The following BABAM2 variants were observed in gnomAD, a reference collection of about 807,000 sequenced individuals.
The protein encoded by BABAM2 is BRISC and BRCA1 A complex member 2, also known as BRISC and BRCA1-A complex member 2.
In BABAM2, 31 loss-of-function variants were observed where a neutral mutation model predicts 54.7. The ratio of observed to expected loss-of-function variants is 0.57; its 90% CI spans 0.43 to 0.77. The LOEUF is 0.77. BABAM2 is among the 30% of genes least tolerant of loss of function. The probability of loss-of-function intolerance (pLI) is 0.00; values close to 1 mark genes in which losing one functional copy is unlikely to be tolerated. For missense variants in BABAM2, 364 were observed against 455.8 expected, an observed-to-expected ratio of 0.80 and a Z score of 1.83; for synonymous variants, 167 against 162.9, an observed-to-expected ratio of 1.03 and a Z score of -0.19.
At chr2:28,268,205 A>C (rs1368023353) in intron 10 of BABAM2, among the ~76,000 whole-genome samples, 2 of 152,232 alleles carry the variant, frequency 1.3e-5, no homozygotes, top group Non-Finnish European at 2.9e-5. Flanking sequence ...CCGCAGTGGC[A>C]CATGCCTATA....
intron 7 of BABAM2, among the ~76,000 whole-genome samples, chr2:28,167,795 C>A (rs529145566): frequency 9.2e-5 from 14 of 152,102 alleles, no homozygotes; most frequent in Non-Finnish European, 1.6e-4. Flanking sequence ...GATTTGGTTA[C>A]TCTATATATT....
chr2:28,013,468 C>T (rs1182916350), intron 4 of BABAM2: 15 of 443,624 alleles, frequency 3.4e-5, no homozygotes, highest in Non-Finnish European at 6.8e-5. Context: ...CCAGTCCTAT[C>T]ACAAACTTTT....
intron 11 of BABAM2, among the ~76,000 whole-genome samples, chr2:28,335,023 G>A (rs1312782029): frequency 6.6e-6 from 1 of 152,158 alleles, no homozygotes; most frequent in Non-Finnish European, 1.5e-5. Flanking sequence ...GATCACAAGT[G>A]GATGGAAGAG....
chr2:27,996,776 G>C (rs970561084), intron 4 of BABAM2, among the ~76,000 whole-genome samples: 2 of 152,118 alleles, frequency 1.3e-5, no homozygotes, highest in Non-Finnish European at 2.9e-5. Context: ...CAGGGTAGGA[G>C]CAGCTGCAGA....
chr2:28,035,353 C>T (rs899650151), intron 5 of BABAM2, among the ~76,000 whole-genome samples: 6 of 152,064 alleles, frequency 3.9e-5, no homozygotes, highest in African/African-American at 1.4e-4. Context: ...TGGCCTTTCC[C>T]CTACTGGCAT....
At chr2:28,317,801 A>G (rs1169648512) in intron 11 of BABAM2, among the ~76,000 whole-genome samples, 4 of 152,126 alleles carry the variant, frequency 2.6e-5, no homozygotes, top group Non-Finnish European at 5.9e-5. Context: ...GTGGCTTTCC[A>G]GTTCCTGTTT....
intron 6 of BABAM2, among the ~76,000 whole-genome samples, chr2:28,122,405 G>A (rs1669154560): frequency 6.6e-6 from 1 of 152,104 alleles, no homozygotes; most frequent in African/African-American, 2.4e-5. Flanking sequence ...GGTGTTTAAG[G>A]CCAGCAAACA....
At chr2:28,199,996 G>T (rs1013268080) in intron 7 of BABAM2, among the ~76,000 whole-genome samples, 1 of 152,206 alleles carries the variant, frequency 6.6e-6, no homozygotes, top group African/African-American at 2.4e-5. Flanking sequence ...GCTAATCACA[G>T]TTAGCACTTG....
chr2:27,904,672 A>G (rs1374769942), intron 2 of BABAM2, among the ~76,000 whole-genome samples: 2 of 152,224 alleles, frequency 1.3e-5, no homozygotes. Context: ...TAAAGCTATA[A>G]TTAATATCCT....
At chr2:28,193,009 T>TA (rs1677107410) in intron 7 of BABAM2, among the ~76,000 whole-genome samples, 2 of 151,702 alleles carry the variant, frequency 1.3e-5, no homozygotes. Flanking sequence ...CTGTCTCTAC[T>TA]AAAAATACAA....
chr2:28,200,667 C>G (rs950190030), intron 7 of BABAM2, among the ~76,000 whole-genome samples: 5 of 152,204 alleles, frequency 3.3e-5, no homozygotes, highest in African/African-American at 1.2e-4. Flanking sequence ...CATCCTTAAC[C>G]TTCCCAAAAA....
In BABAM2 at chr2:28,301,891, T is replaced by C. The variant is rs146111521; in HGVS notation, c.1088+3400T>C. Among the ~76,000 whole-genome samples, 79 of 152,370 alleles carry C rather than the reference T, an allele frequency of 5.2e-4. 1 individual carries two copies. Among genetic ancestry groups the C allele is most frequent in the African/African-American group, 1.9e-3 (79 of 41,588 alleles). ...TTTTTTAAAATTACAGTATAATTTA[T>C]ATACAATGGAGTGGACAGGTTTTAA... On this transcript the variant is annotated intron_variant, in intron 11 of 11. Coordinates refer to ENST00000379624, the MANE Select transcript of BABAM2 (RefSeq NM_199191.3).
intron 4 of BABAM2, among the ~76,000 whole-genome samples, chr2:28,020,084 G>T (rs1006464675): frequency 6.6e-6 from 1 of 152,164 alleles, no homozygotes; most frequent in Non-Finnish European, 1.5e-5. Flanking sequence ...GTTCTGCAAG[G>T]CTCAGAATTT....
chr2:28,230,078 T>G (rs1372116562), intron 7 of BABAM2, among the ~76,000 whole-genome samples: 1 of 152,206 alleles, frequency 6.6e-6, no homozygotes. Flanking sequence ...TACAGTACTC[T>G]CACAGAGTCC....
At chr2:27,969,639 C>T (rs1671063704) in intron 3 of BABAM2, among the ~76,000 whole-genome samples, 1 of 152,074 alleles carries the variant, frequency 6.6e-6, no homozygotes, top group Non-Finnish European at 1.5e-5. Flanking sequence ...GCTGGATGGC[C>T]ACGATTTCTG....
intron 4 of BABAM2, among the ~76,000 whole-genome samples, chr2:28,002,060 T>A (rs187570447): frequency 2.9e-5 from 4 of 140,070 alleles, no homozygotes; most frequent in Non-Finnish European, 4.6e-5. Flanking sequence ...ATCAAACAGG[T>A]AAAAAAAAAA....
rs115353557 is a variant in BABAM2 at position 28,244,167 on chromosome 2, G to T, written c.852-613G>T. Among the ~76,000 whole-genome samples the T allele has an allele frequency of 4.0e-3, 608 of 152,212 alleles. 6 individuals carry two copies. Among genetic ancestry groups the T allele is most frequent in the African/African-American group, 0.014 (564 of 41,542 alleles). ...TCCACCCATCTAGTGTTGCTACTTT[G>T]CCTTAAGCCCAGTGGGAAGGACAGG... is the stretch of plus-strand genomic sequence containing the variant. On this transcript the variant is annotated intron_variant, in intron 9 of 11. Coordinates refer to ENST00000379624, the MANE Select transcript of BABAM2 (RefSeq NM_199191.3).
intron 2 of BABAM2, among the ~76,000 whole-genome samples, chr2:27,928,862 C>T (rs994600881): frequency 2.0e-5 from 3 of 151,204 alleles, no homozygotes; most frequent in African/African-American, 7.3e-5. Context: ...TTATCTTGTA[C>T]AGCAGATCTG....
chr2:27,979,614 C>T (rs1573315830), intron 3 of BABAM2, among the ~76,000 whole-genome samples: 1 of 152,054 alleles, frequency 6.6e-6, no homozygotes, highest in Non-Finnish European at 1.5e-5. Context: ...TGTGCAGCCT[C>T]ACCAGCATTT....
Sources: gnomAD v4.1 joint callset for allele counts (sites outside exome capture counted in the v4.1 genomes callset) on GRCh38, gnomAD v4.1.1 for gene constraint, MANE v1.5 for transcripts, NCBI Gene and HGNC (gene_info 2026-07-23, HGNC 2026-07-21) for gene names.